The following CNTN6 variants were observed in gnomAD, a reference collection of about 807,000 sequenced individuals.
CNTN6 encodes the protein contactin 6.
CNTN6 carries 137 observed loss-of-function variants against 122.8 expected under a neutral mutation model. The observed-to-expected ratio is 1.12, with a 90% CI of 0.97 to 1.29. The LOEUF (loss-of-function observed/expected upper bound fraction) is 1.29. Among genes scored for constraint, CNTN6 ranks in the 50% most tolerant of loss-of-function variants. The probability of loss-of-function intolerance (pLI) is 0.00; values close to 1 mark genes in which losing one functional copy is unlikely to be tolerated. For missense variants in CNTN6, 1,634 were observed against 1,223.4 expected (o/e 1.34, Z -5.01); for synonymous variants, 570 against 426.0 (o/e 1.34, Z -4.16).
At position 1,324,180 on chromosome 3, in the gene CNTN6, C is replaced by T. The variant is rs1371431846; in HGVS notation, c.947-1635C>T. ...TAACTGGAAGTTGTCCTGATTCCTGCAAGAGGTAATCCTAGGCTTAGTTCC... is the reference window on the plus strand; with the variant it reads ...TAACTGGAAGTTGTCCTGATTCCTGTAAGAGGTAATCCTAGGCTTAGTTCC... On this transcript the variant is annotated intron_variant, in intron 8 of 22. Coordinates refer to ENST00000446702, the MANE Select transcript of CNTN6 (RefSeq NM_001289080.2). 4.0e-5 allele frequency among the ~76,000 whole-genome samples: 6 copies of T among 149,398 alleles called. 1 individual carries two copies. Among genetic ancestry groups the T allele is most frequent in the African/African-American group, 1.5e-4 (6 of 39,186 alleles).
intron 20 of CNTN6, among the ~76,000 whole-genome samples, chr3:1,388,935 G>C (rs1343930262): frequency 3.6e-5 from 5 of 140,406 alleles, no homozygotes; most frequent in African/African-American, 5.3e-5. Flanking sequence ...ATCTACGTCT[G>C]ATTGGTGTAC....
chr3:1,290,204 GA>G (rs1353806395), intron 5 of CNTN6, among the ~76,000 whole-genome samples: 1 of 152,176 alleles, frequency 6.6e-6, no homozygotes, highest in Non-Finnish European at 1.5e-5. Context: ...ATTTAAGAGG[GA>G]AAATTCAAGT....
rs78911945 is a variant in CNTN6 at position 1,130,609 on chromosome 3, C to T, written c.-82-17318C>T. Among the ~76,000 whole-genome samples the T allele has an allele frequency of 2.7e-4, 41 of 152,274 alleles. No individual in the cohort carries two copies. In the East Asian group the frequency reaches 7.9e-3, roughly 30 times the overall value. On this transcript the variant is annotated intron_variant, in intron 1 of 22. Coordinates refer to ENST00000446702, the MANE Select transcript of CNTN6 (RefSeq NM_001289080.2). ...CAAATGGCTTGATAACAAACCTTCA[C>T]TGGCTTCATTCTCTTTCTGAGTAAC...
chr3:1,354,714 T>C (rs764399234), intron 12 of CNTN6, among the ~76,000 whole-genome samples: 1 of 151,608 alleles, frequency 6.6e-6, no homozygotes, highest in Non-Finnish European at 1.5e-5. Flanking sequence ...CTTATGCAGC[T>C]TAGTTCATAG....
Position 1,385,776 on chromosome 3 carries a change from A to G in CNTN6, c.2683A>G (p.Asn895Asp). Residue 895 changes from asparagine to aspartate, a missense_variant, in exon 20 of 23, where the codon AAT becomes GAT. Asn to Asp is a conservative substitution (Grantham distance 23, BLOSUM62 1). Transcript: ENST00000446702. The stretch of plus-strand genomic sequence containing the variant: ...GACAGGGCCCTCAAGCCCCCCAGTC[A>G]ATGTTACCACCAAAAAGTCTCGTAA... ...AGTGPSSPPV[N>D]VTTKKSPPSQ... The G allele has an allele frequency of 6.2e-7, 1 of 1,610,912 alleles. No homozygotes were observed. The highest frequency in any genetic ancestry group is 8.5e-7 in the Non-Finnish European group (1 of 1,178,846).
chr3:1,377,063 C>T lies in CNTN6; in HGVS notation c.2154C>T (p.Val718=). ...HGGGGSRSEL[V]ITWESIPEEL... is the part of the protein sequence containing the mutation. ...GTGGAGGAAGTCGGTCTGAACTCGT[C>T]ATTACGTGGGAGGTAATTTTCTGTC... Residue 718 remains valine, a synonymous_variant, in exon 17 of 23, where the codon GTC becomes GTT. Transcript: ENST00000446702. 1 of 1,598,390 alleles carries T rather than the reference C, an allele frequency of 6.3e-7. No homozygotes were observed. The highest frequency in any genetic ancestry group is 8.5e-7 in the Non-Finnish European group (1 of 1,171,228).
intron 2 of CNTN6, 135 bp from the exon 3 acceptor site, chr3:1,220,552 A>G (rs2094193271): frequency 1.2e-6 from 1 of 803,586 alleles, no homozygotes; most frequent in Non-Finnish European, 1.7e-6. Flanking sequence ...CATTTTTGTA[A>G]TACTTTTTGT....
intron 12 of CNTN6, among the ~76,000 whole-genome samples, chr3:1,354,820 T>C (rs971624530): frequency 1.3e-5 from 2 of 151,648 alleles, no homozygotes; most frequent in South Asian, 2.1e-4. Flanking sequence ...AAAAAGAACA[T>C]CAAAGAAAAA....
intron 4 of CNTN6, among the ~76,000 whole-genome samples, chr3:1,276,769 C>T (rs1047133908): frequency 1.3e-5 from 2 of 152,086 alleles, no homozygotes; most frequent in Non-Finnish European, 2.9e-5. Context: ...GCGACAGAGA[C>T]CCCAAAACAA....
chr3:1,244,604 C>T (rs111902812), intron 4 of CNTN6, among the ~76,000 whole-genome samples: 9 of 147,706 alleles, frequency 6.1e-5, no homozygotes, highest in Non-Finnish European at 1.1e-4. Context: ...TCCCCCGATC[C>T]GAGTCACAGC....
At chr3:1,309,973 T>G (rs1248730363) in intron 7 of CNTN6, among the ~76,000 whole-genome samples, 1 of 152,236 alleles carries the variant, frequency 6.6e-6, no homozygotes, top group Non-Finnish European at 1.5e-5. Context: ...GACTTTGATA[T>G]ATTAACATTG....
At chr3:1,383,651 A>C (rs1351428081) in intron 19 of CNTN6, among the ~76,000 whole-genome samples, 1 of 146,020 alleles carries the variant, frequency 6.8e-6, no homozygotes, top group Non-Finnish European at 1.6e-5. Flanking sequence ...AAAAACAAAA[A>C]CAAAAACAAA....
intron 20 of CNTN6, among the ~76,000 whole-genome samples, chr3:1,392,104 T>C (rs1471291360): frequency 3.2e-4 from 39 of 120,644 alleles, no homozygotes; most frequent in Admixed American, 1.5e-3. Context: ...CCAAGTCAAT[T>C]CTAAGCCAAA....
At position 1,359,420 on chromosome 3, in the gene CNTN6, C is replaced by G. The variant is rs572560439; in HGVS notation, c.1492+6969C>G. Among the ~76,000 whole-genome samples, 10 of 152,152 alleles carry G rather than the reference C, an allele frequency of 6.6e-5. No individual in the cohort carries two copies. In the South Asian group the frequency reaches 2.1e-3, roughly 32 times the overall value. Reference sequence around the variant, plus strand: ...CATCTCAACTTTTAGACAATGCTTTCTCTAGACTGGTTTTTCACTTGTTTC... The same window carrying G: ...CATCTCAACTTTTAGACAATGCTTTGTCTAGACTGGTTTTTCACTTGTTTC... On this transcript the variant is annotated intron_variant, in intron 12 of 22. Transcript: ENST00000446702.
rs1706735217 is a variant in CNTN6, at chr3:1,357,361, G to A, written c.1492+4910G>A. ...ATTACTAACTAACGTGGAACTTGAC[G>A]ACTTAGTTTTTATGGTTATTCATCT... On this transcript the variant is annotated intron_variant, in intron 12 of 22. Coordinates refer to ENST00000446702, the MANE Select transcript of CNTN6 (RefSeq NM_001289080.2). 2.6e-5 allele frequency among the ~76,000 whole-genome samples: 4 copies of A among 151,678 alleles called. No homozygotes were observed. In the Admixed American group the frequency reaches 2.6e-4, roughly 10 times the overall value.
chr3:1,367,857 C>A (rs1001721507), intron 12 of CNTN6, among the ~76,000 whole-genome samples: 1 of 152,084 alleles, frequency 6.6e-6, no homozygotes, highest in Admixed American at 6.6e-5. Flanking sequence ...CTGCAGGAAG[C>A]GACTTCAAAA....
intron 19 of CNTN6, among the ~76,000 whole-genome samples, chr3:1,383,797 T>A (rs1427658049): frequency 6.6e-6 from 1 of 152,356 alleles, no homozygotes; most frequent in East Asian, 1.9e-4. Context: ...TATACCCACT[T>A]CTAATTACAT....
At chr3:1,319,426 T>G (rs1700540594) in intron 7 of CNTN6, among the ~76,000 whole-genome samples, 1 of 151,632 alleles carries the variant, frequency 6.6e-6, no homozygotes, top group African/African-American at 2.4e-5. Flanking sequence ...ACAGGTACTG[T>G]GAGTCTGCAT....
intron 2 of CNTN6, among the ~76,000 whole-genome samples, chr3:1,153,177 G>T (rs1353648622): frequency 1.3e-5 from 2 of 152,100 alleles, no homozygotes; most frequent in Non-Finnish European, 2.9e-5. Context: ...TCCTGAAGAA[G>T]TACCAGTTAT....
Sources: allele counts gnomAD v4.1 joint callset (sites outside exome capture counted in the v4.1 genomes callset), GRCh38; gene constraint gnomAD v4.1.1; transcripts MANE v1.5; gene names NCBI Gene and HGNC (gene_info 2026-07-23, HGNC 2026-07-21).